CYRIB: variants seen among roughly 807,000 people sequenced by gnomAD.
CYRIB encodes CYFIP related Rac1 interactor B, also known as CYFIP-related Rac1 interactor B.
CYRIB carries 8 observed loss-of-function variants against 44.2 expected under a neutral mutation model. The observed-to-expected ratio is 0.18, with a 90% CI of 0.11 to 0.33. The LOEUF is 0.33. Ranked by LOEUF, CYRIB falls within the 10% of genes least tolerant of loss-of-function variation. The pLI is 1.00. For missense variants in CYRIB, 185 were observed against 382.8 expected, an observed-to-expected ratio of 0.48 and a Z score of 4.31; for synonymous variants, 131 against 127.2, an observed-to-expected ratio of 1.03 and a Z score of -0.20.
At chr8:129,967,002 A>AAT (rs1406215252) in intron 2 of CYRIB, among the ~76,000 whole-genome samples, 5 of 152,204 alleles carry the variant, frequency 3.3e-5, no homozygotes, top group Admixed American at 2.6e-4. Flanking sequence ...GACAAAAATA[A>AAT]ATTTTTTTAA....
Position 129,915,328 on chromosome 8 carries a change from A to T in CYRIB, c.-49-11978T>A, listed in dbSNP as rs557875822. On this transcript the variant is annotated intron_variant, in intron 1 of 11. Transcript: ENST00000519824. ...AATAAAAGAAACAAGCTACTCACAC[A>T]TCCAACAATAAATATAAATCTCAAA... is the stretch of plus-strand genomic sequence containing the variant. Among the ~76,000 whole-genome samples the T allele has an allele frequency of 1.5e-4, 23 of 152,342 alleles. No individual in the cohort carries two copies. In the South Asian group the frequency reaches 4.3e-3, roughly 29 times the overall value.
At chr8:129,929,190 C>T (rs1252133681) in intron 1 of CYRIB, among the ~76,000 whole-genome samples, 1 of 151,936 alleles carries the variant, frequency 6.6e-6, no homozygotes, top group Non-Finnish European at 1.5e-5. Context: ...CTGTATGTTC[C>T]ATTCATAAGA....
intron 1 of CYRIB, among the ~76,000 whole-genome samples, chr8:129,933,400 G>C (rs2138579921): frequency 6.6e-6 from 1 of 152,246 alleles, no homozygotes; most frequent in Non-Finnish European, 1.5e-5. Context: ...AAATTTTATG[G>C]TTCTCTTGGA....
chr8:129,907,532 T>C (rs1315324808), intron 1 of CYRIB, among the ~76,000 whole-genome samples: 1 of 152,110 alleles, frequency 6.6e-6, no homozygotes, highest in African/African-American at 2.4e-5. Context: ...ACATGGCACA[T>C]GTATATGTAT....
intron 11 of CYRIB, among the ~76,000 whole-genome samples, chr8:129,843,380 G>C (rs2037684639): frequency 6.6e-6 from 1 of 152,164 alleles, no homozygotes; most frequent in Non-Finnish European, 1.5e-5. Flanking sequence ...AACAGAAGGA[G>C]CAGCAGGGAG....
intron 10 of CYRIB, 30 bp from the exon 13 acceptor site, chr8:129,846,904 A>G: frequency 7.0e-7 from 1 of 1,422,406 alleles, no homozygotes; most frequent in South Asian, 1.2e-5. Context: ...AAAAGGTAAA[A>G]CAGCCATTTT....
chr8:129,860,276 A>T (rs1460653612), intron 5 of CYRIB, among the ~76,000 whole-genome samples: 3 of 152,236 alleles, frequency 2.0e-5, no homozygotes, highest in Admixed American at 6.5e-5. Flanking sequence ...GTATTGGGAT[A>T]TGCTAAAAGA....
intron 2 of CYRIB, among the ~76,000 whole-genome samples, chr8:129,958,326 C>T (rs997543778): frequency 6.6e-6 from 1 of 152,166 alleles, no homozygotes; most frequent in African/African-American, 2.4e-5. Flanking sequence ...TGCACCAGCA[C>T]ACAAATGACT....
In CYRIB at chr8:129,977,739, A is replaced by G. The variant is rs189257803; in HGVS notation, c.-295-6744T>C. ...AGTAGAGATGGGGTTTCACCGTGTTAGCCAGGATGGTCTCGATCTCCTGAC... is the reference window on the plus strand; with the variant it reads ...AGTAGAGATGGGGTTTCACCGTGTTGGCCAGGATGGTCTCGATCTCCTGAC... On this transcript the variant is annotated intron_variant, in intron 1 of 14. Coordinates refer to the CYRIB transcript ENST00000401979. Among the ~76,000 whole-genome samples the G allele has an allele frequency of 4.0e-3, 616 of 152,102 alleles. 3 individuals carry two copies. Among genetic ancestry groups the G allele is most frequent in the African/African-American group, 0.012 (518 of 41,494 alleles).
chr8:129,860,004 A>C (rs2048499897), intron 5 of CYRIB, among the ~76,000 whole-genome samples: 1 of 152,214 alleles, frequency 6.6e-6, no homozygotes, highest in African/African-American at 2.4e-5. Context: ...GTAAGTATGC[A>C]AACTGGCAAG....
At chr8:129,839,607 A>C (rs1338651904) in exon 12 of CYRIB, 1 of 152,176 alleles carries the variant, frequency 6.6e-6, no homozygotes, top group Non-Finnish European at 1.5e-5. Context: ...GTTCCAATAA[A>C]ATTTTATTTA....
intron 1 of CYRIB, among the ~76,000 whole-genome samples, chr8:130,013,028 C>G (rs774138105): frequency 6.6e-6 from 1 of 152,166 alleles, no homozygotes; most frequent in Non-Finnish European, 1.5e-5. Context: ...CTCCTCCCAC[C>G]CGAATTTCCT....
chr8:129,963,897 A>G (rs2095373110), intron 2 of CYRIB, among the ~76,000 whole-genome samples: 2 of 152,186 alleles, frequency 1.3e-5, no homozygotes, highest in South Asian at 4.1e-4. Flanking sequence ...TTTTCATTCC[A>G]TCCTTCTTGA....
chr8:129,985,012 C>T (rs868807564), intron 1 of CYRIB, among the ~76,000 whole-genome samples: 19 of 152,230 alleles, frequency 1.2e-4, no homozygotes, highest in Middle Eastern at 3.4e-3. Context: ...CTCAGGTGAT[C>T]GCCTGCCTCG....
intron 1 of CYRIB, among the ~76,000 whole-genome samples, chr8:129,904,022 G>A (rs1313715099): frequency 6.6e-6 from 1 of 152,154 alleles, no homozygotes; most frequent in Non-Finnish European, 1.5e-5. Flanking sequence ...CCATAGTGCT[G>A]GGATTACAGG....
At chr8:129,849,363 G>A (rs1371565250) in exon 10 of CYRIB, 1 of 1,609,916 alleles carries the variant, frequency 6.2e-7, no homozygotes. Context: ...ATCTGCTTCT[G>A]TATTCCCTGA....
chr8:130,006,372 T>A (rs971662150), intron 1 of CYRIB, among the ~76,000 whole-genome samples: 2 of 150,394 alleles, frequency 1.3e-5, no homozygotes, highest in Non-Finnish European at 2.9e-5. Flanking sequence ...TCCCATCTAC[T>A]TGGGGGGCTG....
chr8:129,953,262 G>A (rs1191824358), intron 2 of CYRIB, among the ~76,000 whole-genome samples: 1 of 152,154 alleles, frequency 6.6e-6, no homozygotes, highest in African/African-American at 2.4e-5. Flanking sequence ...GGAAGGTCAG[G>A]GGAGGGTGGC....
intron 4 of CYRIB, among the ~76,000 whole-genome samples, chr8:129,864,071 A>G (rs1391740959): frequency 6.6e-6 from 1 of 152,258 alleles, no homozygotes; most frequent in African/African-American, 2.4e-5. Context: ...TGCTCTGAAC[A>G]AATTAGCTGC....
Sources: gnomAD v4.1 joint callset for allele counts (sites outside exome capture counted in the v4.1 genomes callset) on GRCh38, gnomAD v4.1.1 for gene constraint, MANE v1.5 for transcripts, NCBI Gene and HGNC (gene_info 2026-07-23, HGNC 2026-07-21) for gene names.